Variants in PIN4 observed in about 807,000 individuals in gnomAD.
The protein encoded by PIN4 is peptidyl-prolyl cis-trans isomerase NIMA-interacting 4.
In PIN4, 3 loss-of-function variants were observed where a neutral mutation model predicts 8.3. The ratio of observed to expected loss-of-function variants is 0.36; its 90% confidence interval spans 0.16 to 0.93. The LOEUF (loss-of-function observed/expected upper bound fraction) is 0.93. Ranked by LOEUF, PIN4 falls within the 40% of genes least tolerant of loss-of-function variation. PIN4 has a pLI of 0.44. For missense variants in PIN4, 75 were observed against 100.6 expected, an observed-to-expected ratio of 0.75 and a Z score of 1.09; for synonymous variants, 18 against 32.5, an observed-to-expected ratio of 0.55 and a Z score of 1.52.
chrX:72,252,176 T>A (rs908198880), intron 3 of PIN4, among the ~76,000 whole-genome samples: 6 of 110,577 alleles, frequency 5.4e-5, no homozygotes, highest in African/African-American at 2.0e-4. Flanking sequence ...AGAGACAGGG[T>A]CTTGCTCTGT....
At chrX:72,201,068 G>A (rs766750389), downstream of PIN4, among the ~76,000 whole-genome samples, 5 of 110,870 alleles carry the variant, frequency 4.5e-5, no homozygotes, top group East Asian at 1.4e-3. Flanking sequence ...GCATTGTGGT[G>A]TGTGCCTGTA....
chrX:72,228,694 A>G (rs2042966711), intron 3 of PIN4, among the ~76,000 whole-genome samples: 1 of 111,412 alleles, frequency 9.0e-6, no homozygotes, highest in Non-Finnish European at 1.9e-5. Context: ...CTATGGCTTC[A>G]AGGAACTTTC....
chrX:72,193,964 C>T (rs1232916444), intron 2 of PIN4, among the ~76,000 whole-genome samples: 1 of 110,614 alleles, frequency 9.0e-6, no homozygotes, highest in Non-Finnish European at 1.9e-5. Context: ...TTTTTTAAGC[C>T]AAGTGTTATT....
intron 3 of PIN4, among the ~76,000 whole-genome samples, chrX:72,242,926 T>C (rs1384865428): frequency 9.0e-6 from 1 of 111,116 alleles, no homozygotes; most frequent in African/African-American, 3.3e-5. Flanking sequence ...GGCAGGAGAA[T>C]TGCTTGAACC....
intron 3 of PIN4, among the ~76,000 whole-genome samples, chrX:72,218,059 A>T (rs2042896992): frequency 9.0e-6 from 1 of 110,858 alleles, no homozygotes; most frequent in Non-Finnish European, 1.9e-5. Flanking sequence ...TCAGGAGGTC[A>T]GGAGATCGAG....
In PIN4 at chrX:72,213,672, C is replaced by T. The variant is rs1002220681; in HGVS notation, c.312+16768C>T. Among the ~76,000 whole-genome samples the T allele has an allele frequency of 1.2e-4, 13 of 112,301 alleles. No homozygotes were observed. In the Admixed American group the frequency reaches 1.2e-3, roughly 11 times the overall value. ...GCTCCCAATCGGGCTAAAGGCTCGC[C>T]ATTGTTCCTGCATGGCTAAGTGCCC... On this transcript the variant is annotated intron_variant, in intron 3 of 3. Coordinates refer to the PIN4 transcript ENST00000423432.
chrX:72,223,102 C>T (rs1288374749), intron 3 of PIN4, among the ~76,000 whole-genome samples: 5 of 99,820 alleles, frequency 5.0e-5, no homozygotes, highest in African/African-American at 7.3e-5. Context: ...TTTTGGAGGC[C>T]GAGGCAGGCG....
At chrX:72,249,919 T>C (rs1191025123) in intron 3 of PIN4, among the ~76,000 whole-genome samples, 1 of 111,036 alleles carries the variant, frequency 9.0e-6, no homozygotes, top group African/African-American at 3.3e-5. Flanking sequence ...TTAAGACTCA[T>C]GCCCAGGCCT....
At chrX:72,257,549 ATGATGAT>A (rs1271957536) in intron 3 of PIN4, among the ~76,000 whole-genome samples, 1 of 111,323 alleles carries the variant, frequency 9.0e-6, no homozygotes, top group East Asian at 2.8e-4. Context: ...AGCTAGGGAG[ATGATGAT>A]AAGTGGTGGA....
intron 3 of PIN4, among the ~76,000 whole-genome samples, chrX:72,217,483 C>T (rs766011373): frequency 3.7e-4 from 41 of 111,860 alleles, no homozygotes; most frequent in Non-Finnish European, 5.4e-4. Flanking sequence ...AAATAGAGTA[C>T]GGAGCTGACA....
At chrX:72,210,578 G>T (rs2042848424) in intron 3 of PIN4, among the ~76,000 whole-genome samples, 1 of 111,562 alleles carries the variant, frequency 9.0e-6, no homozygotes, top group Admixed American at 9.6e-5. Flanking sequence ...GGGGTTCTGT[G>T]TAACTCTAGC....
At chrX:72,243,381 T>C (rs1285847021) in intron 3 of PIN4, among the ~76,000 whole-genome samples, 1 of 109,205 alleles carries the variant, frequency 9.2e-6, no homozygotes, top group East Asian at 2.8e-4. Context: ...ATGGTATTGC[T>C]GTTTTTTTTT....
At position 72,253,984 on chromosome X, in the gene PIN4, A is replaced by AAAAAG. The variant is rs750371906; in HGVS notation, c.313-8703_313-8699dup. The stretch of plus-strand genomic sequence containing the variant: ...CTTAAAAAAAGAAAAAAAATAAAAG[A>AAAAAG]AAAAGAAAAGAAAAGAAAAGAAAAT... On this transcript the variant is annotated intron_variant, in intron 3 of 3. Coordinates refer to the PIN4 transcript ENST00000423432. Among the ~76,000 whole-genome samples the AAAAAG allele has an allele frequency of 4.6e-3, 512 of 110,880 alleles. 2 individuals are homozygous for AAAAAG. Among genetic ancestry groups the AAAAAG allele is most frequent in the African/African-American group, 0.014 (436 of 30,337 alleles).
chrX:72,245,986 C>T (rs1347393685), intron 3 of PIN4, among the ~76,000 whole-genome samples: 2 of 111,817 alleles, frequency 1.8e-5, no homozygotes, highest in Admixed American at 1.9e-4. Context: ...TTTGGGTTAC[C>T]TCAGTGGCTC....
At position 72,230,421 on chromosome X, in the gene PIN4, C is replaced by T. The variant is rs766462439; in HGVS notation, c.313-32286C>T. Among the ~76,000 whole-genome samples the T allele has an allele frequency of 6.3e-5, 7 of 111,051 alleles. 1 individual carries two copies. The South Asian group carries it at 1.1e-3, about 18-fold the overall frequency. On this transcript the variant is annotated intron_variant, in intron 3 of 3. Transcript: ENST00000423432. Reference sequence around the variant, plus strand: ...CCTGCCATAAAACCTCTCCCTCACACAGAAACATTCCAAGCTTGTGATAAG... The same window carrying T: ...CCTGCCATAAAACCTCTCCCTCACATAGAAACATTCCAAGCTTGTGATAAG...
intron 3 of PIN4, chrX:72,197,113 G>A (rs984763514): frequency 4.4e-6 from 2 of 456,348 alleles, no homozygotes; most frequent in Non-Finnish European, 3.7e-6. Flanking sequence ...AGTAGAATAA[G>A]GGTCATCTAT....
intron 3 of PIN4, among the ~76,000 whole-genome samples, chrX:72,218,061 G>T (rs1254684561): frequency 9.0e-6 from 1 of 110,672 alleles, no homozygotes; most frequent in Non-Finnish European, 1.9e-5. Flanking sequence ...AGGAGGTCAG[G>T]AGATCGAGAC....
chrX:72,233,812 TAAG>T (rs993039127), intron 3 of PIN4, among the ~76,000 whole-genome samples: 3 of 108,578 alleles, frequency 2.8e-5, no homozygotes, highest in Non-Finnish European at 3.8e-5. Flanking sequence ...GGTGGTTTTG[TAAG>T]AATATGGTTT....
intron 3 of PIN4, among the ~76,000 whole-genome samples, chrX:72,232,204 GA>G (rs1161090567): frequency 2.9e-5 from 3 of 103,489 alleles, no homozygotes; most frequent in Admixed American, 1.1e-4. Context: ...AAAAAAATGT[GA>G]AAGTTCTCAG....
Sources: gnomAD v4.1 joint callset for allele counts (sites outside exome capture counted in the v4.1 genomes callset) on GRCh38, gnomAD v4.1.1 for gene constraint, MANE v1.5 for transcripts, NCBI Gene and HGNC (gene_info 2026-07-23, HGNC 2026-07-21) for gene names.